SERTAD2: variants seen among roughly 807,000 people sequenced by gnomAD.
SERTAD2 encodes SERTA domain containing 2, also known as SERTA domain-containing protein 2.
In SERTAD2, 2 loss-of-function variants were observed where a neutral mutation model predicts 15.4. The observed-to-expected ratio is 0.13, with a 90% CI of 0.05 to 0.41. The LOEUF is 0.41. Among genes scored for constraint, SERTAD2 ranks in the 10% least tolerant of loss-of-function variants. The pLI is 0.99. For missense variants in SERTAD2, 333 were observed against 409.7 expected (o/e 0.81, Z 1.62); for synonymous variants, 180 against 178.0 (o/e 1.01, Z -0.09).
At chr2:64,648,110 A>G (rs1674943213) in intron 1 of SERTAD2, among the ~76,000 whole-genome samples, 3 of 152,226 alleles carry the variant, frequency 2.0e-5, no homozygotes, top group Non-Finnish European at 4.4e-5. Context: ...CCTAGAGAAC[A>G]ATATCACATT....
In SERTAD2 at chr2:64,636,240, G is replaced by C. The variant is rs1381278652; in HGVS notation, c.632C>G (p.Pro211Arg). 6.2e-7 allele frequency: 1 copy of C among 1,614,074 alleles called. No individual in the cohort carries two copies. Among genetic ancestry groups the C allele is most frequent in the East Asian group, 2.2e-5 (1 of 44,900 alleles). The change falls in exon 2 of 2, where the codon CCT (proline) becomes CGT (arginine). Residue 211 changes from proline to arginine, a missense_variant. By Grantham distance (103) the Pro-to-Arg change is moderately radical (BLOSUM62 -2). Coordinates refer to ENST00000313349, the MANE Select transcript of SERTAD2 (RefSeq NM_014755.3). Reference protein sequence around the residue: ...SEAGTQKLDGPQESRADDSKL... With the variant: ...SEAGTQKLDGRQESRADDSKL... The stretch of plus-strand genomic sequence containing the variant: ...TGAGTCATCTGCGCGGCTCTCTTGA[G>C]GACCGTCGAGTTTCTGGGTGCCAGC...
chr2:64,645,509 T>C (rs1197063083), intron 1 of SERTAD2, among the ~76,000 whole-genome samples: 2 of 152,268 alleles, frequency 1.3e-5, no homozygotes, highest in Non-Finnish European at 2.9e-5. Context: ...TTTAAAATTC[T>C]AGTTTCTCCT....
At chr2:64,648,122 C>G (rs375231387) in intron 1 of SERTAD2, among the ~76,000 whole-genome samples, 28 of 152,248 alleles carry the variant, frequency 1.8e-4, no homozygotes, top group African/African-American at 6.7e-4. Flanking sequence ...TATCACATTT[C>G]TACAACATGA....
intron 1 of SERTAD2, among the ~76,000 whole-genome samples, chr2:64,637,374 C>T (rs564658383): frequency 6.6e-6 from 1 of 152,278 alleles, no homozygotes; most frequent in South Asian, 2.1e-4. Context: ...AGAAAGGTAA[C>T]ATGTATAATT....
intron 1 of SERTAD2, among the ~76,000 whole-genome samples, chr2:64,637,535 G>A (rs1344970101): frequency 6.6e-6 from 1 of 152,130 alleles, no homozygotes; most frequent in Non-Finnish European, 1.5e-5. Flanking sequence ...TAGAATCAAG[G>A]GGAGGAATGC....
At position 64,633,782 on chromosome 2, in the gene SERTAD2, A is replaced by C. The variant is rs1157126500; in HGVS notation, c.*2145T>G. Reference sequence around the variant, plus strand: ...TGTCTGCGTGGAGGTTGCTTGTAGGAGAACAAGTGCAATTTGATCAGTTTC... The same window carrying C: ...TGTCTGCGTGGAGGTTGCTTGTAGGCGAACAAGTGCAATTTGATCAGTTTC... On this transcript the variant is annotated 3_prime_UTR_variant, in exon 2 of 2. Coordinates refer to ENST00000313349, the MANE Select transcript of SERTAD2 (RefSeq NM_014755.3). 6.6e-6 allele frequency: 1 copy of C among 152,228 alleles called. No homozygotes were observed. 9.4% of individuals were successfully genotyped at this position (152,228 alleles called of 1,614,324 possible).
At chr2:64,645,624 A>C (rs577674229) in intron 1 of SERTAD2, among the ~76,000 whole-genome samples, 6 of 152,358 alleles carry the variant, frequency 3.9e-5, no homozygotes, top group African/African-American at 1.2e-4. Flanking sequence ...AAAAATGTTG[A>C]CAGCTGCATT....
intron 1 of SERTAD2, among the ~76,000 whole-genome samples, chr2:64,638,144 C>T (rs1160664948): frequency 6.6e-6 from 1 of 152,258 alleles, no homozygotes; most frequent in African/African-American, 2.4e-5. Flanking sequence ...CCTGCTAATC[C>T]TGTCCTCAGT....
At chr2:64,651,345 G>GC (rs1675004896) in intron 1 of SERTAD2, among the ~76,000 whole-genome samples, 1 of 152,288 alleles carries the variant, frequency 6.6e-6, no homozygotes, top group Admixed American at 6.5e-5. Context: ...GTAGCATGCT[G>GC]CAAGTTGATA....
At chr2:64,636,990 AT>A in intron 1 of SERTAD2, 115 bp from the exon 2 acceptor site, 1 of 692,508 alleles carries the variant, frequency 1.4e-6, no homozygotes, top group African/African-American at 1.8e-5. Context: ...GCCCAGGGTT[AT>A]TTACAAGTAC....
At position 64,636,260 on chromosome 2, in the gene SERTAD2, G is replaced by A. The variant is rs1235384709; in HGVS notation, c.612C>T (p.Gly204=). The change falls in exon 2 of 2, where the codon GGC becomes GGT. Residue 204 remains glycine (G), a synonymous_variant. Coordinates refer to ENST00000313349, the MANE Select transcript of SERTAD2 (RefSeq NM_014755.3). ...DSVKGTSSEA[G]TQKLDGPQES... ...CTTGAGGACCGTCGAGTTTCTGGGT[G>A]CCAGCCTCGCTGGAGGTCCCTTTCA... 1.9e-6 allele frequency: 3 copies of A among 1,614,088 alleles called. No individual in the cohort carries two copies. The highest frequency in any genetic ancestry group is 2.2e-5 in the South Asian group (2 of 91,086).
intron 1 of SERTAD2, among the ~76,000 whole-genome samples, chr2:64,645,220 T>C (rs1196717249): frequency 1.3e-5 from 2 of 152,140 alleles, no homozygotes; most frequent in Non-Finnish European, 2.9e-5. Flanking sequence ...TGTAACCCGA[T>C]ACCACTGTTT....
At chr2:64,637,546 G>A (rs1443455886) in intron 1 of SERTAD2, among the ~76,000 whole-genome samples, 2 of 152,200 alleles carry the variant, frequency 1.3e-5, no homozygotes, top group Non-Finnish European at 1.5e-5. Flanking sequence ...GGAGGAATGC[G>A]TATGTCCCAG....
intron 1 of SERTAD2, among the ~76,000 whole-genome samples, chr2:64,641,280 CAG>C (rs1674771322): frequency 6.6e-6 from 1 of 152,128 alleles, no homozygotes; most frequent in Non-Finnish European, 1.5e-5. Context: ...ACCAGAGGAC[CAG>C]GAGCCTGAAT....
At chr2:64,643,904 G>A (rs1558654670) in intron 1 of SERTAD2, among the ~76,000 whole-genome samples, 1 of 151,976 alleles carries the variant, frequency 6.6e-6, no homozygotes, top group Non-Finnish European at 1.5e-5. Flanking sequence ...AAAACACCAA[G>A]CTGTATCCCT....
chr2:64,645,698 A>T (rs1674887577), intron 1 of SERTAD2, among the ~76,000 whole-genome samples: 1 of 152,250 alleles, frequency 6.6e-6, no homozygotes, highest in Non-Finnish European at 1.5e-5. Flanking sequence ...TCTTTAGAAT[A>T]AATTATGGCC....
chr2:64,650,916 G>A (rs1674995515), intron 1 of SERTAD2, among the ~76,000 whole-genome samples: 1 of 152,158 alleles, frequency 6.6e-6, no homozygotes, highest in Admixed American at 6.5e-5. Flanking sequence ...GTACACAACT[G>A]ATCTTTGGAC....
chr2:64,653,376 GC>G (rs966075260), intron 1 of SERTAD2, among the ~76,000 whole-genome samples: 7 of 147,052 alleles, frequency 4.8e-5, no homozygotes, highest in African/African-American at 1.5e-4. Flanking sequence ...CCCCGGCCCT[GC>G]CCCCCAGCGG....
In SERTAD2 at chr2:64,635,362, A is replaced by C. The variant is rs1168269839; in HGVS notation, c.*565T>G. The C allele has an allele frequency of 6.5e-6, 1 of 152,782 alleles. No individual in the cohort carries two copies. The highest frequency in any genetic ancestry group is 2.4e-5 in the African/African-American group (1 of 41,476). 9.5% of individuals were successfully genotyped at this position (152,782 alleles called of 1,614,324 possible). ...GAAAAACAATATCATAAACTGCAGA[A>C]TCTGTACAAAAATATAAAATAAATT... On this transcript the variant is annotated 3_prime_UTR_variant, in exon 2 of 2. Coordinates refer to ENST00000313349, the MANE Select transcript of SERTAD2 (RefSeq NM_014755.3).
Sources: allele counts gnomAD v4.1 joint callset (sites outside exome capture counted in the v4.1 genomes callset), GRCh38; gene constraint gnomAD v4.1.1; transcripts MANE v1.5; gene names NCBI Gene and HGNC (gene_info 2026-07-23, HGNC 2026-07-21).